Variants in SLC24A3 observed in about 807,000 individuals in gnomAD.
SLC24A3 encodes the protein sodium/potassium/calcium exchanger 3.
In SLC24A3, 28 loss-of-function variants were observed where a neutral mutation model predicts 75.8. The ratio of observed to expected loss-of-function variants is 0.37; its 90% confidence interval spans 0.27 to 0.51. SLC24A3 has a LOEUF of 0.51. Ranked by LOEUF, SLC24A3 falls within the 20% of genes least tolerant of loss-of-function variation. SLC24A3 has a pLI of 0.94. For missense variants in SLC24A3, 663 were observed against 847.8 expected (o/e 0.78, Z 2.71); for synonymous variants, 372 against 334.1 (o/e 1.11, Z -1.24).
intron 2 of SLC24A3, among the ~76,000 whole-genome samples, chr20:19,444,186 C>A (rs1987342431): frequency 6.6e-6 from 1 of 152,134 alleles, no homozygotes; most frequent in African/African-American, 2.4e-5. Flanking sequence ...ACAAATATCA[C>A]CTGGTCATGG....
At chr20:19,455,812 G>A (rs7274522) in intron 2 of SLC24A3, among the ~76,000 whole-genome samples, 8,511 of 152,270 alleles carry the variant, frequency 0.056, 723 homozygotes, top group African/African-American at 0.19. Flanking sequence ...CGCCTTCTGG[G>A]GGAAGTCAAA....
intron 3 of SLC24A3, among the ~76,000 whole-genome samples, chr20:19,549,103 G>T (rs1544077): frequency 6.6e-6 from 1 of 151,940 alleles, no homozygotes; most frequent in Non-Finnish European, 1.5e-5. Context: ...GGTCTTTATG[G>T]ACCAAGCCTG....
intron 1 of SLC24A3, chr20:19,265,953 A>T (rs979647389): frequency 6.5e-6 from 1 of 153,116 alleles, no homozygotes; most frequent in African/African-American, 2.4e-5. Context: ...GGGTGGGTGG[A>T]GCTTCCTCCC....
chr20:19,673,692 C>G, intron 9 of SLC24A3, 38 bp downstream of exon 9: 1 of 1,546,548 alleles, frequency 6.5e-7, no homozygotes, highest in East Asian at 2.2e-5. Flanking sequence ...AAAACTGTTT[C>G]TTGCATTCCA....
chr20:19,501,313 A>G (rs1440551019), intron 2 of SLC24A3, among the ~76,000 whole-genome samples: 2 of 152,204 alleles, frequency 1.3e-5, no homozygotes, highest in Admixed American at 6.5e-5. Context: ...TTCTTCCATA[A>G]AAAAAGTAAA....
chr20:19,631,846 G>A (rs1243616074), intron 6 of SLC24A3, among the ~76,000 whole-genome samples: 2 of 147,252 alleles, frequency 1.4e-5, no homozygotes, highest in Non-Finnish European at 3.0e-5. Context: ...TTTTTTAAAA[G>A]TTTTTCTAAA....
chr20:19,296,919 T>C (rs899912623), intron 2 of SLC24A3, among the ~76,000 whole-genome samples: 1 of 152,192 alleles, frequency 6.6e-6, no homozygotes, highest in Non-Finnish European at 1.5e-5. Flanking sequence ...GCTCAAATTT[T>C]CCAAATATTT....
intron 2 of SLC24A3, among the ~76,000 whole-genome samples, chr20:19,407,191 C>T (rs1244728854): frequency 6.6e-6 from 1 of 152,164 alleles, no homozygotes; most frequent in Non-Finnish European, 1.5e-5. Flanking sequence ...GACTGGAGCG[C>T]CTCCTTGTCA....
chr20:19,302,078 C>G (rs896814965), intron 2 of SLC24A3, among the ~76,000 whole-genome samples: 34 of 152,186 alleles, frequency 2.2e-4, no homozygotes, highest in African/African-American at 8.0e-4. Flanking sequence ...TCCAGGAACA[C>G]CCAGAAAGGG....
At chr20:19,385,510 T>C (rs1986257253) in intron 2 of SLC24A3, among the ~76,000 whole-genome samples, 1 of 152,230 alleles carries the variant, frequency 6.6e-6, no homozygotes, top group Non-Finnish European at 1.5e-5. Flanking sequence ...TCTGTTTTTA[T>C]GCCAGTGCCT....
rs112940553 is a variant in SLC24A3, at chr20:19,277,366, C to T, written c.143-3593C>T. Reference sequence around the variant, plus strand: ...CAGTGAATGGAAGCCATGCTAACTACGAAATGATAGTTGATGTAGCCACGG... The same window carrying T: ...CAGTGAATGGAAGCCATGCTAACTATGAAATGATAGTTGATGTAGCCACGG... On this transcript the variant is annotated intron_variant, in intron 1 of 16. Transcript: ENST00000328041. 3.0e-3 allele frequency among the ~76,000 whole-genome samples: 450 copies of T among 152,298 alleles called. 1 individual carries two copies. The highest frequency in any genetic ancestry group is 0.01 in the African/African-American group (432 of 41,562).
At chr20:19,599,383 C>T (rs1380201971) in intron 6 of SLC24A3, among the ~76,000 whole-genome samples, 1 of 151,996 alleles carries the variant, frequency 6.6e-6, no homozygotes, top group Admixed American at 6.6e-5. Flanking sequence ...TGGTCCCTCC[C>T]GCGCACCTGG....
At chr20:19,521,873 C>T (rs756079323) in intron 3 of SLC24A3, among the ~76,000 whole-genome samples, 9 of 152,118 alleles carry the variant, frequency 5.9e-5, no homozygotes, top group Non-Finnish European at 1.2e-4. Context: ...CCCCCATCTC[C>T]TCCAGTATTT....
chr20:19,371,522 CAGTT>C lies in SLC24A3; in HGVS notation c.271+90440_271+90443del, dbSNP rs1018584475. ...CTGGGAACCAGTGGCTGGGAATACG[CAGTT>C]AGTTTTCTAGCTAGTTCCTGAAAAA... On this transcript the variant is annotated intron_variant, in intron 2 of 16. Coordinates refer to ENST00000328041, the MANE Select transcript of SLC24A3 (RefSeq NM_020689.4). 4.6e-5 allele frequency among the ~76,000 whole-genome samples: 7 copies of C among 152,274 alleles called. 1 individual carries two copies. The highest frequency in any genetic ancestry group is 6.5e-5 in the Admixed American group (1 of 15,306).
At chr20:19,435,713 G>A (rs6035336) in intron 2 of SLC24A3, among the ~76,000 whole-genome samples, 1,949 of 152,240 alleles carry the variant, frequency 0.013, 41 homozygotes, top group African/African-American at 0.044. Flanking sequence ...TAGTTTTCTC[G>A]TCTGTCTAGT....
intron 2 of SLC24A3, among the ~76,000 whole-genome samples, chr20:19,364,003 C>T (rs1045952831): frequency 6.6e-5 from 10 of 152,024 alleles, no homozygotes; most frequent in Admixed American, 2.6e-4. Flanking sequence ...GTCAGATCTT[C>T]GGTGGGAACT....
At chr20:19,443,297 G>A (rs1223445323) in intron 2 of SLC24A3, among the ~76,000 whole-genome samples, 2 of 152,062 alleles carry the variant, frequency 1.3e-5, no homozygotes, top group African/African-American at 4.8e-5. Flanking sequence ...ACAATATTGA[G>A]TCTTGCTATC....
intron 7 of SLC24A3, among the ~76,000 whole-genome samples, chr20:19,654,777 A>G (rs2032247446): frequency 1.3e-5 from 2 of 149,310 alleles, no homozygotes; most frequent in East Asian, 2.0e-4. Flanking sequence ...CCTGCCAAGT[A>G]TCTGGGACTA....
Position 19,443,489 on chromosome 20 carries a change from T to C in SLC24A3, c.272-71999T>C, listed in dbSNP as rs1987328851. 1.3e-5 allele frequency among the ~76,000 whole-genome samples: 2 copies of C among 152,232 alleles called. 1 individual carries two copies. Among genetic ancestry groups the C allele is most frequent in the South Asian group, 4.1e-4 (2 of 4,832 alleles). ...TATTTCAATCACTCATTGCTGGTAG[T>C]AGGAAAGCAATTGACTTTTGTAAAT... On this transcript the variant is annotated intron_variant, in intron 2 of 16. Coordinates refer to ENST00000328041, the MANE Select transcript of SLC24A3 (RefSeq NM_020689.4).
Sources: allele counts gnomAD v4.1 joint callset (sites outside exome capture counted in the v4.1 genomes callset), GRCh38; gene constraint gnomAD v4.1.1; transcripts MANE v1.5; gene names NCBI Gene and HGNC (gene_info 2026-07-23, HGNC 2026-07-21).